The following UBR3 variants were observed in gnomAD, a reference collection of about 807,000 sequenced individuals.
The protein encoded by UBR3 is ubiquitin protein ligase E3 component n-recognin 3.
In UBR3, 85 loss-of-function variants were observed where a neutral mutation model predicts 243.2. That is an observed-to-expected ratio of 0.35 (90% confidence interval 0.29 to 0.42). The LOEUF (loss-of-function observed/expected upper bound fraction) is 0.42, where lower values mean the gene tolerates loss of function less well. Among genes scored for constraint, UBR3 ranks in the 10% least tolerant of loss-of-function variants. The pLI is 1.00. For missense variants in UBR3, 1,686 were observed against 2,300.8 expected (o/e 0.73, Z 5.47); for synonymous variants, 748 against 799.8 (o/e 0.94, Z 1.09).
chr2:170,073,256 A>G, intron 35 of UBR3, 172 bp from the exon 36 acceptor site: 3 of 647,040 alleles, frequency 4.6e-6, no homozygotes, highest in Non-Finnish European at 5.2e-6. Flanking sequence ...TAGATATAAC[A>G]GCTAGGAACC....
intron 6 of UBR3, among the ~76,000 whole-genome samples, chr2:169,892,139 T>C (rs1305038474): frequency 6.6e-6 from 1 of 152,242 alleles, no homozygotes; most frequent in Non-Finnish European, 1.5e-5. Context: ...GTTACTATGC[T>C]GCTGCATTTA....
chr2:169,860,344 T>G (rs1574066669), intron 1 of UBR3, among the ~76,000 whole-genome samples: 1 of 152,138 alleles, frequency 6.6e-6, no homozygotes, highest in East Asian at 1.9e-4. Context: ...ATAAGTTACT[T>G]GGACTCAGGG....
intron 26 of UBR3, among the ~76,000 whole-genome samples, chr2:169,997,158 C>T (rs957257508): frequency 1.4e-4 from 21 of 148,118 alleles, no homozygotes; most frequent in African/African-American, 3.2e-4. Flanking sequence ...TTTGTCATAA[C>T]GACACAGGAT....
intron 30 of UBR3, among the ~76,000 whole-genome samples, chr2:170,026,893 A>G (rs1352656316): frequency 6.6e-6 from 1 of 152,010 alleles, no homozygotes; most frequent in Non-Finnish European, 1.5e-5. Context: ...CTGGTATAAG[A>G]CGTATTTTTG....
intron 23 of UBR3, among the ~76,000 whole-genome samples, chr2:169,952,368 G>A (rs898971926): frequency 2.0e-5 from 3 of 152,118 alleles, no homozygotes; most frequent in African/African-American, 7.2e-5. Flanking sequence ...TTGTTAGTTA[G>A]GAGGTCATCC....
intron 25 of UBR3, among the ~76,000 whole-genome samples, chr2:169,992,652 C>T (rs553499052): frequency 1.4e-4 from 22 of 152,252 alleles, no homozygotes; most frequent in African/African-American, 5.3e-4. Context: ...AGTGATAAAC[C>T]TATTATTCCC....
chr2:169,835,846 A>T (rs1416207858), intron 1 of UBR3, among the ~76,000 whole-genome samples: 1 of 151,898 alleles, frequency 6.6e-6, no homozygotes, highest in Middle Eastern at 3.2e-3. Context: ...CTTTGTACTT[A>T]CCATTGAGAT....
chr2:170,039,930 C>A (rs62172044), intron 31 of UBR3, among the ~76,000 whole-genome samples: 7,039 of 152,184 alleles, frequency 0.046, 201 homozygotes, highest in Non-Finnish European at 0.071. Context: ...GACAGGGTCT[C>A]ACTGTGTTGC....
In UBR3 at chr2:170,035,910, T is replaced by TTGC. The variant is rs71006065; in HGVS notation, c.4557-4972_4557-4971insTGC. Among the ~76,000 whole-genome samples the TTGC allele has an allele frequency of 8.3e-5, 10 of 120,438 alleles. 1 individual carries two copies. Among genetic ancestry groups the TTGC allele is most frequent in the East Asian group, 5.5e-4 (2 of 3,648 alleles). 79.0% of individuals were successfully genotyped at this position (120,438 alleles called of 152,430 possible). ...CTAGATTTATACCTAAGTATTTTAT[T>TTGC]GGGGGGGGGGTTGCTAATTTAAATG... On this transcript the variant is annotated intron_variant, in intron 31 of 38. Transcript: ENST00000272793.
chr2:169,866,503 C>T (rs537535368), intron 1 of UBR3, among the ~76,000 whole-genome samples: 23 of 152,034 alleles, frequency 1.5e-4, no homozygotes, highest in African/African-American at 5.3e-4. Flanking sequence ...GCTGGGATTA[C>T]AGGCATACGC....
intron 30 of UBR3, among the ~76,000 whole-genome samples, chr2:170,017,109 T>C (rs1379909730): frequency 6.6e-6 from 1 of 151,848 alleles, no homozygotes. Flanking sequence ...CAAACTTAAG[T>C]TGTACACCAG....
chr2:169,871,782 G>GTATACAC (rs1231453215), intron 1 of UBR3, among the ~76,000 whole-genome samples: 1 of 134,922 alleles, frequency 7.4e-6, no homozygotes, highest in Non-Finnish European at 1.7e-5. Context: ...TAGAAGGAAT[G>GTATACAC]TATACACTTC....
intron 13 of UBR3, 34 bp from the exon 14 acceptor site, chr2:169,925,585 A>C (rs1476506810): frequency 2.0e-6 from 3 of 1,513,800 alleles, no homozygotes; most frequent in Non-Finnish European, 2.7e-6. Context: ...TTGCATTTAG[A>C]TAATTTATTC....
chr2:169,977,420 G>A (rs893684637), intron 24 of UBR3, among the ~76,000 whole-genome samples: 7 of 152,126 alleles, frequency 4.6e-5, no homozygotes, highest in African/African-American at 1.4e-4. Flanking sequence ...CTAGTACCAT[G>A]GTTCATTCCA....
chr2:169,902,508 C>T (rs10178443), intron 8 of UBR3, among the ~76,000 whole-genome samples: 240 of 151,684 alleles, frequency 1.6e-3, no homozygotes, highest in African/African-American at 5.1e-3. Flanking sequence ...CTGCTCCTTC[C>T]GCGTATAGCA....
rs1559098548 is a variant in UBR3, at chr2:169,924,171, C to G, written c.2020C>G (p.Gln674Glu). 1 of 1,542,654 alleles carries G rather than the reference C, an allele frequency of 6.5e-7. No individual in the cohort carries two copies. Residue 674 changes from glutamine to glutamate, a missense_variant and splice_region_variant, in exon 13 of 39, where the codon CAA becomes GAA. Physicochemically the swap from Gln to Glu is conservative, Grantham distance 29. Coordinates refer to ENST00000272793, the MANE Select transcript of UBR3 (RefSeq NM_172070.4). ...ACTAATGATTCACCCACTCCAAATT[C>G]AAGTATGTATTCAGGCATTTAAAAA... ...MKLMIHPLQI[Q>E]ASLAEIHSNM... is the part of the protein sequence containing the mutation.
intron 24 of UBR3, among the ~76,000 whole-genome samples, chr2:169,979,627 G>A (rs1039383371): frequency 1.3e-5 from 2 of 152,142 alleles, no homozygotes; most frequent in Admixed American, 6.6e-5. Context: ...AATACATACC[G>A]CTTAGTGAAA....
chr2:169,959,834 C>G (rs2087482106), intron 24 of UBR3, among the ~76,000 whole-genome samples: 1 of 152,106 alleles, frequency 6.6e-6, no homozygotes, highest in African/African-American at 2.4e-5. Flanking sequence ...TTATCCATTT[C>G]TTTTAGGTTT....
chr2:170,044,024 A>G (rs979791162), intron 32 of UBR3, among the ~76,000 whole-genome samples: 1 of 152,126 alleles, frequency 6.6e-6, no homozygotes, highest in Non-Finnish European at 1.5e-5. Flanking sequence ...TTTAATTCCT[A>G]GGAAGTTCAG....
Sources: gnomAD v4.1 joint callset for allele counts (sites outside exome capture counted in the v4.1 genomes callset) on GRCh38, gnomAD v4.1.1 for gene constraint, MANE v1.5 for transcripts, NCBI Gene and HGNC (gene_info 2026-07-23, HGNC 2026-07-21) for gene names.